The following TRIM29 variants were observed in gnomAD, a reference collection of about 807,000 sequenced individuals.
The protein encoded by TRIM29 is tripartite motif containing 29, also known as tripartite motif-containing protein 29.
Under a neutral mutation model 57.3 loss-of-function variants are expected in TRIM29, and 52 were observed. The observed-to-expected ratio is 0.91, with a 90% confidence interval of 0.73 to 1.14. TRIM29 has a LOEUF of 1.14. Ranked by LOEUF, TRIM29 falls within the 50% of genes most tolerant of loss-of-function variation. The probability of loss-of-function intolerance (pLI) is 0.00; values close to 1 mark genes in which losing one functional copy is unlikely to be tolerated. For missense variants in TRIM29, 753 were observed against 774.6 expected, an observed-to-expected ratio of 0.97 and a Z score of 0.33; for synonymous variants, 319 against 316.9, an observed-to-expected ratio of 1.01 and a Z score of -0.07.
At chr11:120,117,935 G>T in intron 7 of TRIM29, 1 of 454,088 alleles carries the variant, frequency 2.2e-6, no homozygotes, top group Non-Finnish European at 4.0e-6. Context: ...GAGTGCAGGG[G>T]GTATGGCATG....
chr11:120,115,467 G>C (rs61095798), intron 7 of TRIM29, 53 bp from the exon 8 acceptor site: 25,984 of 1,519,872 alleles, frequency 0.017, 1,200 homozygotes, highest in East Asian at 0.16. Context: ...GGTCAGGGGT[G>C]CCCGGGCCCA....
At chr11:120,115,567 A>G (rs542145547) in intron 7 of TRIM29, 153 bp from the exon 8 acceptor site, 1 of 664,356 alleles carries the variant, frequency 1.5e-6, no homozygotes, top group East Asian at 2.9e-5. Flanking sequence ...TGCAGCAGCC[A>G]GGGTGCCGCA....
intron 1 of TRIM29, among the ~76,000 whole-genome samples, chr11:120,133,566 G>A (rs1421501626): frequency 6.6e-6 from 1 of 152,046 alleles, no homozygotes; most frequent in Non-Finnish European, 1.5e-5. Context: ...CTGTCCCAGG[G>A]CAAGCATTCT....
chr11:120,111,889 G>A lies in TRIM29; in HGVS notation c.*525C>T, dbSNP rs1863143481. 6.1e-6 allele frequency: 1 copy of A among 162,840 alleles called. No individual in the cohort carries two copies. Among genetic ancestry groups the A allele is most frequent in the East Asian group, 1.9e-4 (1 of 5,240 alleles). The allele number at this position is 162,840 out of a possible 1,614,324, so 10.1% of individuals were successfully genotyped here. A position where few individuals can be genotyped will look rare whatever the true frequency, so the allele number is the denominator to read the frequency against. On this transcript the variant is annotated 3_prime_UTR_variant, in exon 9 of 9. Coordinates refer to ENST00000341846, the MANE Select transcript of TRIM29 (RefSeq NM_012101.4). Reference sequence around the variant, plus strand: ...CTGCCATGCTGGGCATTGATAGGTAGGACGAGAGAGAGCACGTAGGGCCAG... The same window carrying A: ...CTGCCATGCTGGGCATTGATAGGTAAGACGAGAGAGAGCACGTAGGGCCAG...
At chr11:120,132,133 C>T (rs1389444795) in intron 1 of TRIM29, among the ~76,000 whole-genome samples, 3 of 151,592 alleles carry the variant, frequency 2.0e-5, no homozygotes, top group Non-Finnish European at 4.4e-5. Context: ...CGTCCTTCCC[C>T]TTCACTCCTG....
Position 120,123,044 on chromosome 11 carries a change from G to A in TRIM29, c.1345C>T (p.Arg449Cys), listed in dbSNP as rs575562513. 174 of 1,613,922 alleles carry A rather than the reference G, an allele frequency of 1.1e-4. 1 individual carries two copies. The highest frequency in any genetic ancestry group is 1.1e-3 in the South Asian group (98 of 91,066). The change falls in exon 5 of 9, where the codon CGC becomes TGC. Residue 449 changes from arginine (R) to cysteine (C), a missense_variant. Arg to Cys is a radical substitution (Grantham distance 180, BLOSUM62 -3). Transcript: ENST00000341846. ...CTGTTCGTGTAGTTGTTCACATAGC[G>A]ATGGTCACCACCTAGGAAGCAGAGG... The part of the protein sequence containing the change: ...RNHMENGGDH[R>C]YVNNYTNSFG...
intron 8 of TRIM29, 43 bp from the exon 9 acceptor site, chr11:120,112,519 T>A (rs1863160118): frequency 6.2e-7 from 1 of 1,609,568 alleles, no homozygotes; most frequent in Non-Finnish European, 8.5e-7. Flanking sequence ...AGACGACAGA[T>A]GAGCCTGCTA....
Position 120,137,924 on chromosome 11 carries a change from G to T in TRIM29, c.108C>A (p.Asp36Glu). The T allele has an allele frequency of 6.2e-7, 1 of 1,609,396 alleles. No individual in the cohort carries two copies. ...CGTTGGTGGTCTTGGCATCCTTGCC[G>T]TCAGCCTTGGTGCCATTCTCCAGGC... ...SGSLENGTKA[D>E]GKDAKTTNGH... is the part of the protein sequence containing the mutation. Residue 36 changes from aspartate to glutamate, a missense_variant, in exon 1 of 9, where the codon GAC becomes GAA. Coordinates refer to ENST00000341846, the MANE Select transcript of TRIM29 (RefSeq NM_012101.4). This position sits in a 1 kb window ranked among gnomAD's most constrained non-coding sequence, Gnocchi z 6.2.
At chr11:120,121,964 G>C in intron 5 of TRIM29, 1 of 449,828 alleles carries the variant, frequency 2.2e-6, no homozygotes, top group South Asian at 1.6e-5. Flanking sequence ...GCAGGGAGGA[G>C]GCAGGCTGGC....
At chr11:120,118,569 C>G (rs573843731) in intron 6 of TRIM29, among the ~76,000 whole-genome samples, 2 of 152,290 alleles carry the variant, frequency 1.3e-5, no homozygotes, top group African/African-American at 4.8e-5. Flanking sequence ...GGACAAAGTC[C>G]CAAGAGCAGC....
At chr11:120,128,593 C>G in intron 1 of TRIM29, 98 bp from the exon 2 acceptor site, 3 of 1,507,176 alleles carry the variant, frequency 2.0e-6, no homozygotes, top group East Asian at 2.4e-5. Context: ...ACACTCGCAG[C>G]CAGGGCTCAT....
intron 1 of TRIM29, among the ~76,000 whole-genome samples, chr11:120,129,297 G>A (rs1264709656): frequency 6.6e-6 from 1 of 152,164 alleles, no homozygotes; most frequent in Non-Finnish European, 1.5e-5. Context: ...AGCCACAATA[G>A]AGACAAAAGG....
At chr11:120,113,214 C>T (rs575811600) in intron 8 of TRIM29, among the ~76,000 whole-genome samples, 17 of 152,322 alleles carry the variant, frequency 1.1e-4, no homozygotes, top group Admixed American at 1.1e-3. Context: ...CCTCTTCCCC[C>T]AGCCATTGGT....
At chr11:120,126,206 G>T in intron 3 of TRIM29, 1 of 251,096 alleles carries the variant, frequency 4.0e-6, no homozygotes. Context: ...CTAAAGAAAT[G>T]CAAGGAATTA....
At chr11:120,120,285 G>C (rs961503573) in intron 6 of TRIM29, among the ~76,000 whole-genome samples, 3 of 151,476 alleles carry the variant, frequency 2.0e-5, no homozygotes, top group African/African-American at 7.3e-5. Flanking sequence ...GATCTCCAGG[G>C]ATGCCGAGAT....
chr11:120,129,968 A>T (rs946022178), intron 1 of TRIM29, among the ~76,000 whole-genome samples: 1 of 152,300 alleles, frequency 6.6e-6, no homozygotes, highest in African/African-American at 2.4e-5. Context: ...GGAGATGAGG[A>T]TGGAGATTTG....
At chr11:120,134,677 A>G (rs1344629819) in intron 1 of TRIM29, among the ~76,000 whole-genome samples, 2 of 152,132 alleles carry the variant, frequency 1.3e-5, no homozygotes, top group East Asian at 1.9e-4. Context: ...AGCTCCCACC[A>G]TCACAGTCAC....
At chr11:120,128,900 C>G in intron 1 of TRIM29, 1 of 1,435,582 alleles carries the variant, frequency 7.0e-7, no homozygotes, top group Non-Finnish European at 9.2e-7. Context: ...CCAGCCCAGC[C>G]CAGGGAGTGT....
chr11:120,118,377 C>A lies in TRIM29; in HGVS notation c.1529-56G>T. 2.2e-6 allele frequency: 3 copies of A among 1,374,758 alleles called. No individual in the cohort carries two copies. The South Asian group carries it at 3.9e-5, about 18-fold the overall frequency. The allele number at this position is 1,374,758 out of a possible 1,614,324, so 85.2% of individuals were successfully genotyped here. ...CCACAGCTGGGAGTGGGAGAGGAGG[C>A]AGGACCAGGACACAGCCAGGTCTAT... On this transcript the variant is annotated intron_variant, in intron 6 of 8. Coordinates refer to ENST00000341846, the MANE Select transcript of TRIM29 (RefSeq NM_012101.4).
Sources: allele counts gnomAD v4.1 joint callset (sites outside exome capture counted in the v4.1 genomes callset), GRCh38; gene constraint gnomAD v4.1.1; non-coding constraint Gnocchi (gnomAD v3.1); transcripts MANE v1.5; gene names NCBI Gene and HGNC (gene_info 2026-07-23, HGNC 2026-07-21).